The following PALM2AKAP2 variants were observed in gnomAD, a reference collection of about 807,000 sequenced individuals.
PALM2AKAP2 encodes PALM2-AKAP2 fusion protein.
In PALM2AKAP2, 37 loss-of-function variants were observed where a neutral mutation model predicts 71.5. The observed-to-expected ratio is 0.52, with a 90% CI of 0.40 to 0.68. The LOEUF is 0.68. PALM2AKAP2 is among the 30% of genes least tolerant of loss of function. The pLI is 0.00. For missense variants in PALM2AKAP2, 1,224 were observed against 1,191.8 expected, an observed-to-expected ratio of 1.03 and a Z score of -0.40; for synonymous variants, 468 against 478.8, an observed-to-expected ratio of 0.98 and a Z score of 0.29.
intron 1 of PALM2AKAP2, among the ~76,000 whole-genome samples, chr9:109,684,097 TA>T (rs1009208169): frequency 6.6e-6 from 1 of 152,132 alleles, no homozygotes; most frequent in African/African-American, 2.4e-5. Context: ...AGGGGATTCA[TA>T]AGCATTTCCT....
At chr9:109,913,240 A>G (rs147727182) in intron 3 of PALM2AKAP2, among the ~76,000 whole-genome samples, 1 of 152,196 alleles carries the variant, frequency 6.6e-6, no homozygotes, top group Non-Finnish European at 1.5e-5. Context: ...GTTAAGTCTT[A>G]TTTATAGGAG....
intron 6 of PALM2AKAP2, among the ~76,000 whole-genome samples, chr9:110,007,313 C>G (rs942954601): frequency 1.3e-5 from 2 of 152,194 alleles, no homozygotes; most frequent in African/African-American, 4.8e-5. Context: ...ATTAAATAAT[C>G]TTTCTACCAC....
intron 1 of PALM2AKAP2, among the ~76,000 whole-genome samples, chr9:109,686,494 A>G (rs537859396): frequency 2.0e-4 from 31 of 152,358 alleles, no homozygotes; most frequent in Non-Finnish European, 3.4e-4. Flanking sequence ...TTGTCAAGGA[A>G]CAGTAATATT....
intron 1 of PALM2AKAP2, among the ~76,000 whole-genome samples, chr9:109,695,135 C>T (rs543995352): frequency 3.9e-5 from 6 of 152,180 alleles, no homozygotes; most frequent in African/African-American, 1.2e-4. Flanking sequence ...GGAAACATGA[C>T]ACAAAATTGA....
intron 1 of PALM2AKAP2, among the ~76,000 whole-genome samples, chr9:109,725,315 A>T (rs1828460117): frequency 6.6e-6 from 1 of 152,190 alleles, no homozygotes; most frequent in Admixed American, 6.5e-5. Flanking sequence ...TTTGATTTAA[A>T]AATATTGTAT....
exon 1 of PALM2AKAP2, chr9:109,640,857 C>T: frequency 6.6e-7 from 1 of 1,518,650 alleles, no homozygotes; most frequent in Non-Finnish European, 8.8e-7. Flanking sequence ...CCGCGGAGCC[C>T]CGCGATGGAG....
chr9:110,096,948 ATTTATTTAT>A (rs1190215788), intron 1 of PALM2AKAP2, among the ~76,000 whole-genome samples: 5 of 141,788 alleles, frequency 3.5e-5, no homozygotes, highest in African/African-American at 1.2e-4. Flanking sequence ...TTATTTATTT[ATTTATTTAT>A]TTATTATTTT....
intron 1 of PALM2AKAP2, among the ~76,000 whole-genome samples, chr9:109,659,301 T>C (rs926045572): frequency 2.0e-5 from 3 of 152,200 alleles, no homozygotes; most frequent in African/African-American, 7.2e-5. Context: ...ATCCACAAAG[T>C]TGCCCATAAA....
chr9:110,161,759 C>G (rs1836604545), intron 3 of PALM2AKAP2, among the ~76,000 whole-genome samples: 1 of 152,100 alleles, frequency 6.6e-6, no homozygotes, highest in Non-Finnish European at 1.5e-5. Context: ...AAAATGGCCC[C>G]CAACGACCTT....
chr9:110,052,427 T>C (rs1350981979), intron 1 of PALM2AKAP2, among the ~76,000 whole-genome samples: 1 of 152,230 alleles, frequency 6.6e-6, no homozygotes, highest in Non-Finnish European at 1.5e-5. Flanking sequence ...ATCCCCTCTA[T>C]GAACATGTAA....
At chr9:109,789,890 A>G (rs1346206183) in intron 1 of PALM2AKAP2, among the ~76,000 whole-genome samples, 1 of 152,208 alleles carries the variant, frequency 6.6e-6, no homozygotes, top group Non-Finnish European at 1.5e-5. Context: ...GAGATTATTA[A>G]ATACACACAG....
chr9:109,984,803 C>T (rs889551341), intron 6 of PALM2AKAP2, among the ~76,000 whole-genome samples: 9 of 151,016 alleles, frequency 6.0e-5, no homozygotes, highest in Non-Finnish European at 8.8e-5. Context: ...CCCAGGAGTT[C>T]GAGGTTTACA....
intron 1 of PALM2AKAP2, among the ~76,000 whole-genome samples, chr9:109,647,319 T>G (rs902852771): frequency 6.6e-6 from 1 of 152,210 alleles, no homozygotes; most frequent in Non-Finnish European, 1.5e-5. Flanking sequence ...TTTATAAAAC[T>G]GCTTAGTATT....
rs10980018 is a variant in PALM2AKAP2 at position 109,730,087 on chromosome 9, C to T, written c.6-50401C>T. The stretch of plus-strand genomic sequence containing the variant: ...TACCTTGCAAAGGAGACTTTTGGAA[C>T]TGGGTGTTCAAGAATGAGTAGGGGC... On this transcript the variant is annotated intron_variant, in intron 1 of 6. Transcript: ENST00000374531. Among the ~76,000 whole-genome samples, 1,479 of 152,146 alleles carry T rather than the reference C, an allele frequency of 9.7e-3. 10 individuals carry two copies. Among genetic ancestry groups the T allele is most frequent in the South Asian group, 0.014 (68 of 4,820 alleles).
chr9:110,054,779 C>T (rs1427101552), intron 1 of PALM2AKAP2, among the ~76,000 whole-genome samples: 1 of 152,118 alleles, frequency 6.6e-6, no homozygotes, highest in African/African-American at 2.4e-5. Context: ...ACTACATCGA[C>T]CAAGCTGGTC....
intron 1 of PALM2AKAP2, among the ~76,000 whole-genome samples, chr9:109,758,389 A>G (rs1422615255): frequency 1.3e-5 from 2 of 152,104 alleles, no homozygotes; most frequent in East Asian, 3.9e-4. Flanking sequence ...GGGTCAAAGT[A>G]CATTTGTAAT....
chr9:110,032,149 T>C (rs1167545999), intron 7 of PALM2AKAP2, among the ~76,000 whole-genome samples: 1 of 152,100 alleles, frequency 6.6e-6, no homozygotes, highest in East Asian at 1.9e-4. Context: ...AAGAGACTAC[T>C]GCACCCATCA....
chr9:109,817,625 T>C (rs1827886013), intron 1 of PALM2AKAP2, among the ~76,000 whole-genome samples: 1 of 152,104 alleles, frequency 6.6e-6, no homozygotes, highest in South Asian at 2.1e-4. Context: ...AGAAAGCAAA[T>C]AGTTGGTCAC....
At chr9:109,819,215 C>G (rs751741853) in intron 1 of PALM2AKAP2, among the ~76,000 whole-genome samples, 2 of 152,168 alleles carry the variant, frequency 1.3e-5, no homozygotes, top group Non-Finnish European at 2.9e-5. Flanking sequence ...TTCTATCCAA[C>G]ATAGTTTAAT....
Sources: gnomAD v4.1 joint callset for allele counts (sites outside exome capture counted in the v4.1 genomes callset) on GRCh38, gnomAD v4.1.1 for gene constraint, MANE v1.5 for transcripts, NCBI Gene and HGNC (gene_info 2026-07-23, HGNC 2026-07-21) for gene names.